The following SENP1 variants were observed in gnomAD, a reference collection of about 807,000 sequenced individuals.
SENP1 encodes the protein sentrin-specific protease 1.
Under a neutral mutation model 93.0 loss-of-function variants are expected in SENP1, and 21 were observed. The observed-to-expected ratio is 0.23, with a 90% CI of 0.16 to 0.33. SENP1 has a LOEUF of 0.33. SENP1 is among the 10% of genes least tolerant of loss of function. SENP1 has a pLI of 1.00. For missense variants in SENP1, 591 were observed against 758.7 expected (o/e 0.78, Z 2.60); for synonymous variants, 256 against 259.6 (o/e 0.99, Z 0.13).
intron 13 of SENP1, among the ~76,000 whole-genome samples, chr12:48,058,147 T>C (rs1360025838): frequency 1.3e-5 from 2 of 151,876 alleles, no homozygotes; most frequent in Non-Finnish European, 2.9e-5. Flanking sequence ...GGTTTCACCA[T>C]GTTGGCCAGG....
At chr12:48,045,415 C>CTTTTGTCTT (rs1941290537) in intron 17 of SENP1, 31 bp from the exon 18 acceptor site, 1 of 1,601,678 alleles carries the variant, frequency 6.2e-7, no homozygotes, top group Non-Finnish European at 8.6e-7. Context: ...CCTTAATTTT[C>CTTTTGTCTT]AATGCTTTTG....
At chr12:48,057,637 G>GAA (rs1942647417) in intron 13 of SENP1, among the ~76,000 whole-genome samples, 1 of 148,402 alleles carries the variant, frequency 6.7e-6, no homozygotes, top group Non-Finnish European at 1.5e-5. Flanking sequence ...AATTGAAACA[G>GAA]TCTTGCTCTG....
intron 13 of SENP1, among the ~76,000 whole-genome samples, chr12:48,058,972 C>T (rs534843722): frequency 6.6e-6 from 1 of 152,294 alleles, no homozygotes; most frequent in South Asian, 2.1e-4. Context: ...TGGCCTGCAT[C>T]GTTTCCGACA....
At chr12:48,080,139 T>C (rs1205434506) in intron 6 of SENP1, 1 of 152,250 alleles carries the variant, frequency 6.6e-6, no homozygotes, top group Non-Finnish European at 1.5e-5. Flanking sequence ...ATATCCTCTA[T>C]AACAGCATTA....
intron 17 of SENP1, 112 bp downstream of exon 17, chr12:48,046,244 T>C (rs766115519): frequency 2.6e-5 from 18 of 686,504 alleles, no homozygotes; most frequent in Non-Finnish European, 4.7e-5. Context: ...GGCTGAAGCA[T>C]GCTAAAGGTT....
At chr12:48,069,153 A>C (rs1943499944) in intron 9 of SENP1, among the ~76,000 whole-genome samples, 1 of 4,420 alleles carries the variant, frequency 2.3e-4, no homozygotes, top group African/African-American at 5.0e-4. Flanking sequence ...ACTCTGTCAC[A>C]AAAAAAAAAA....
At chr12:48,060,426 A>G (rs1407418407) in intron 13 of SENP1, among the ~76,000 whole-genome samples, 1 of 152,240 alleles carries the variant, frequency 6.6e-6, no homozygotes, top group African/African-American at 2.4e-5. Flanking sequence ...CTAGAATCTT[A>G]AAGTTGGAAG....
intron 3 of SENP1, 154 bp downstream of exon 3, chr12:48,097,840 T>C (rs781368190): frequency 1.6e-6 from 1 of 629,322 alleles, no homozygotes; most frequent in Non-Finnish European, 2.6e-6. Context: ...TTAATTTTAA[T>C]ATATAGAGCA....
At chr12:48,102,203 T>A (rs951796505) in intron 1 of SENP1, among the ~76,000 whole-genome samples, 1 of 152,042 alleles carries the variant, frequency 6.6e-6, no homozygotes, top group Admixed American at 6.5e-5. Flanking sequence ...GGAGGGCAGA[T>A]CACTTGGCCA....
At chr12:48,105,383 G>A (rs755274392) in intron 1 of SENP1, 1 of 519,022 alleles carries the variant, frequency 1.9e-6, no homozygotes, top group Non-Finnish European at 3.8e-6. Flanking sequence ...CCAAGAAAGA[G>A]ACGGTTCAAG....
intron 9 of SENP1, among the ~76,000 whole-genome samples, chr12:48,069,967 T>C (rs1239359696): frequency 6.6e-6 from 1 of 152,244 alleles, no homozygotes; most frequent in Non-Finnish European, 1.5e-5. Context: ...ATTCTCATCC[T>C]AGCAATTGAA....
chr12:48,062,834 AAATGATC>A (rs1220223606), intron 13 of SENP1, among the ~76,000 whole-genome samples: 1 of 152,232 alleles, frequency 6.6e-6, no homozygotes, highest in Non-Finnish European at 1.5e-5. Flanking sequence ...CTAATGAGGT[AAATGATC>A]AATAGTTATT....
chr12:48,053,568 T>C (rs1941984718), intron 13 of SENP1, among the ~76,000 whole-genome samples: 2 of 152,242 alleles, frequency 1.3e-5, no homozygotes, highest in Middle Eastern at 3.4e-3. Flanking sequence ...CGGGTGACTT[T>C]AGTACTTCCC....
In SENP1 at chr12:48,083,774, G is replaced by A; in HGVS notation, c.381-12C>T. The A allele has an allele frequency of 6.3e-7, 1 of 1,579,532 alleles. No homozygotes were observed. Among genetic ancestry groups the A allele is most frequent in the South Asian group, 1.2e-5 (1 of 85,110 alleles). ...TGTTTGATAATCCACTAAAAAAAGA[G>A]TTTGTAAGAAAGATAAGAACAGATA... On this transcript the variant is annotated splice_polypyrimidine_tract_variant and intron_variant, in intron 5 of 17. Transcript: ENST00000549518.
intron 13 of SENP1, among the ~76,000 whole-genome samples, chr12:48,059,481 AT>A (rs1173857800): frequency 6.6e-6 from 1 of 151,912 alleles, no homozygotes; most frequent in African/African-American, 2.4e-5. Context: ...CATGATGTCC[AT>A]TTTCTTCTAT....
intron 8 of SENP1, among the ~76,000 whole-genome samples, chr12:48,072,836 A>G (rs1373893051): frequency 6.6e-6 from 1 of 152,106 alleles, no homozygotes; most frequent in Non-Finnish European, 1.5e-5. Context: ...GGTATGGTAT[A>G]TATAGTATAC....
In SENP1 at chr12:48,065,112, C is replaced by CT. The variant is rs750651342; in HGVS notation, c.1227dup (p.Gly410ArgfsTer3). On this transcript the variant is annotated frameshift_variant, in exon 12 of 18. Transcript: ENST00000549518. LOFTEE classifies it high-confidence loss of function. Reference sequence around the variant, plus strand: ...TCTTCACTATCAGTTAATTTATGACCTTTTTTTTGTGTTTCTTGGACAACA... The same window carrying CT: ...TCTTCACTATCAGTTAATTTATGACCTTTTTTTTTGTGTTTCTTGGACAACA... 1.5e-5 allele frequency: 24 copies of CT among 1,605,772 alleles called. No individual in the cohort carries two copies. The highest frequency in any genetic ancestry group is 2.7e-5 in the African/African-American group (2 of 74,728).
intron 2 of SENP1, among the ~76,000 whole-genome samples, chr12:48,100,192 C>G (rs1051631821): frequency 1.3e-5 from 2 of 152,220 alleles, no homozygotes; most frequent in African/African-American, 2.4e-5. Context: ...TTATATTGAT[C>G]CCCTTAACAG....
At chr12:48,086,508 C>T (rs1338669871) in intron 5 of SENP1, among the ~76,000 whole-genome samples, 1 of 152,152 alleles carries the variant, frequency 6.6e-6, no homozygotes, top group African/African-American at 2.4e-5. Context: ...AATTAACCAC[C>T]AGACTGTCAG....
Sources: allele counts gnomAD v4.1 joint callset (sites outside exome capture counted in the v4.1 genomes callset), GRCh38; gene constraint gnomAD v4.1.1; transcripts MANE v1.5; gene names NCBI Gene and HGNC (gene_info 2026-07-23, HGNC 2026-07-21).